Variants in FRMD4A observed in about 807,000 individuals in gnomAD.
FRMD4A encodes the protein FERM domain containing 4A.
A neutral mutation model predicts 129.1 loss-of-function variants in FRMD4A; 29 were observed. The ratio of observed to expected loss-of-function variants is 0.22; its 90% CI spans 0.17 to 0.31. FRMD4A has a LOEUF of 0.31. Among genes scored for constraint, FRMD4A ranks in the 10% least tolerant of loss-of-function variants. The pLI is 1.00. For synonymous variants in FRMD4A, 634 were observed against 571.6 expected (o/e 1.11, Z -1.56); for missense variants, 1,272 against 1,375.8 (o/e 0.92, Z 1.19).
At chr10:14,111,124 C>T (rs180878085) in intron 2 of FRMD4A, among the ~76,000 whole-genome samples, 78 of 152,194 alleles carry the variant, frequency 5.1e-4, no homozygotes, top group South Asian at 4.6e-3. Flanking sequence ...ATTTTGTATC[C>T]GTTAAACAAT....
intron 2 of FRMD4A, among the ~76,000 whole-genome samples, chr10:14,132,786 G>T (rs1839328683): frequency 6.6e-6 from 1 of 152,230 alleles, no homozygotes; most frequent in African/African-American, 2.4e-5. Flanking sequence ...GGGCCTGCTG[G>T]TGGGAAGCTC....
At chr10:14,248,393 G>C (rs1844319709) in intron 2 of FRMD4A, among the ~76,000 whole-genome samples, 1 of 152,136 alleles carries the variant, frequency 6.6e-6, no homozygotes, top group African/African-American at 2.4e-5. Context: ...TGTAGAAATA[G>C]TGCCTTTTTC....
At chr10:14,300,580 G>A (rs779022256) in intron 2 of FRMD4A, among the ~76,000 whole-genome samples, 1 of 152,196 alleles carries the variant, frequency 6.6e-6, no homozygotes, top group Non-Finnish European at 1.5e-5. Context: ...GGCAACCAAG[G>A]CAGGGTTGGT....
At chr10:13,718,808 A>G (rs2089130583) in intron 12 of FRMD4A, among the ~76,000 whole-genome samples, 1 of 152,224 alleles carries the variant, frequency 6.6e-6, no homozygotes, top group Non-Finnish European at 1.5e-5. Context: ...GTTCTCCCAG[A>G]TATTCATACA....
chr10:13,660,229 C>T (rs1445642774), intron 20 of FRMD4A, 87 bp downstream of exon 20: 1 of 855,476 alleles, frequency 1.2e-6, no homozygotes, highest in African/African-American at 1.7e-5. Flanking sequence ...TGGATTTTGT[C>T]ACCGTGGATG....
chr10:14,093,790 G>GA (rs1836789591), intron 2 of FRMD4A, among the ~76,000 whole-genome samples: 1 of 152,190 alleles, frequency 6.6e-6, no homozygotes, highest in African/African-American at 2.4e-5. Context: ...CACAGCCCAT[G>GA]ACTCTTAGAA....
intron 2 of FRMD4A, among the ~76,000 whole-genome samples, chr10:14,127,923 T>A (rs1212043704): frequency 4.8e-4 from 2 of 4,134 alleles, no homozygotes; most frequent in African/African-American, 4.0e-3. Context: ...TCTTTCTTTC[T>A]TTCTTTCTTT....
At chr10:14,157,190 T>C (rs1217532675) in intron 2 of FRMD4A, among the ~76,000 whole-genome samples, 1 of 152,168 alleles carries the variant, frequency 6.6e-6, no homozygotes, top group Non-Finnish European at 1.5e-5. Flanking sequence ...TACTAAGAGG[T>C]CACAGGCTGG....
At chr10:14,288,791 C>T (rs1306571908) in intron 2 of FRMD4A, among the ~76,000 whole-genome samples, 1 of 152,124 alleles carries the variant, frequency 6.6e-6, no homozygotes, top group Non-Finnish European at 1.5e-5. Context: ...TCTCCCTCTC[C>T]TCCAGCCCCT....
intron 2 of FRMD4A, among the ~76,000 whole-genome samples, chr10:13,938,097 C>T (rs1398644183): frequency 6.6e-6 from 1 of 152,230 alleles, no homozygotes; most frequent in African/African-American, 2.4e-5. Context: ...TAAACCACCA[C>T]TACAGATAAT....
chr10:14,228,738 C>T lies in FRMD4A; in HGVS notation c.45+101320G>A, dbSNP rs1035088762. On this transcript the variant is annotated intron_variant, in intron 2 of 24. Transcript: ENST00000357447. ...GCAGATTAGGTTCTGGATTAATACA[C>T]ATCACTAATTTCTATTTGTTTGCTT... Among the ~76,000 whole-genome samples the T allele has an allele frequency of 1.2e-4, 18 of 151,830 alleles. 1 individual carries two copies.
intron 11 of FRMD4A, among the ~76,000 whole-genome samples, chr10:13,739,595 A>G (rs1186070858): frequency 1.3e-5 from 2 of 152,254 alleles, no homozygotes; most frequent in African/African-American, 4.8e-5. Flanking sequence ...TGAAATAAAG[A>G]GCACAGTTTT....
chr10:14,002,230 T>C (rs2095645279), intron 2 of FRMD4A, among the ~76,000 whole-genome samples: 1 of 152,234 alleles, frequency 6.6e-6, no homozygotes, highest in Non-Finnish European at 1.5e-5. Context: ...AATGCTTTCT[T>C]GTCTCATTTT....
At chr10:14,079,778 C>T (rs988362852) in intron 2 of FRMD4A, among the ~76,000 whole-genome samples, 1 of 152,180 alleles carries the variant, frequency 6.6e-6, no homozygotes, top group Admixed American at 6.5e-5. Flanking sequence ...CTTGCTTTTT[C>T]ACATTTGCTG....
chr10:13,653,063 T>TCCCCCCC, intron 23 of FRMD4A: 1 of 152,288 alleles, frequency 6.6e-6, no homozygotes, highest in African/African-American at 2.4e-5. Context: ...ATCTGGGTAT[T>TCCCCCCC]TCCCCCGCAA....
intron 22 of FRMD4A, among the ~76,000 whole-genome samples, chr10:13,656,168 GC>G (rs1009083551): frequency 6.6e-6 from 1 of 152,176 alleles, no homozygotes; most frequent in Non-Finnish European, 1.5e-5. Flanking sequence ...TAGCCAGTCT[GC>G]CCCCATCTGG....
At chr10:13,794,872 T>C (rs1383951397) in intron 5 of FRMD4A, among the ~76,000 whole-genome samples, 1 of 152,202 alleles carries the variant, frequency 6.6e-6, no homozygotes, top group Non-Finnish European at 1.5e-5. Context: ...AGCACCTATT[T>C]AACCTCTGCA....
intron 4 of FRMD4A, among the ~76,000 whole-genome samples, chr10:13,798,546 C>G (rs972882444): frequency 3.3e-5 from 5 of 152,098 alleles, no homozygotes; most frequent in African/African-American, 9.7e-5. Context: ...GAAACCCTGT[C>G]TCTACTAAAA....
chr10:13,861,518 G>C lies in FRMD4A; in HGVS notation c.46-2606C>G, dbSNP rs60984737. 4.0e-3 allele frequency among the ~76,000 whole-genome samples: 614 copies of C among 152,268 alleles called. 5 individuals are homozygous for C. The highest frequency in any genetic ancestry group is 0.014 in the African/African-American group (587 of 41,546). ...TATAACAATGACTTAGCAGCCCCCA[G>C]CTCTGAGAAAAATCAAGAAAAGTTT... is the stretch of plus-strand genomic sequence containing the variant. On this transcript the variant is annotated intron_variant, in intron 2 of 24. Transcript: ENST00000357447.
Sources: allele counts gnomAD v4.1 joint callset (sites outside exome capture counted in the v4.1 genomes callset), GRCh38; gene constraint gnomAD v4.1.1; transcripts MANE v1.5; gene names NCBI Gene and HGNC (gene_info 2026-07-23, HGNC 2026-07-21).